Variants in MANEA observed in about 807,000 individuals in gnomAD.
MANEA encodes mannosidase endo-alpha.
In MANEA, 25 loss-of-function variants were observed where a neutral mutation model predicts 36.8. The ratio of observed to expected loss-of-function variants is 0.68; its 90% CI spans 0.50 to 0.95. The LOEUF is 0.95. Ranked by LOEUF, MANEA falls within the 40% of genes least tolerant of loss-of-function variation. MANEA has a pLI of 0.00. For missense variants in MANEA, 565 were observed against 558.8 expected, an observed-to-expected ratio of 1.01 and a Z score of -0.11; for synonymous variants, 198 against 188.5, an observed-to-expected ratio of 1.05 and a Z score of -0.41.
At chr6:95,578,084 C>A (rs547523098) in intron 1 of MANEA, among the ~76,000 whole-genome samples, 17 of 152,200 alleles carry the variant, frequency 1.1e-4, no homozygotes, top group Admixed American at 3.3e-4. Flanking sequence ...GTAGAAGGAT[C>A]GAGGCCTGCT....
At chr6:95,591,261 G>T (rs1769380658) in intron 2 of MANEA, among the ~76,000 whole-genome samples, 1 of 151,764 alleles carries the variant, frequency 6.6e-6, no homozygotes, top group Non-Finnish European at 1.5e-5. Context: ...TGTTTTACTG[G>T]TCTCCTTGCA....
Position 95,609,125 on chromosome 6 carries a change from A to G in MANEA, c.*2720A>G, listed in dbSNP as rs1188462024. 6.6e-6 allele frequency: 1 copy of G among 151,826 alleles called. No homozygotes were observed. The allele number at this position is 151,826 out of a possible 1,614,324, so 9.4% of individuals were successfully genotyped here. ...TATGATAACAAGTAAATAAGAGCAA[A>G]GAATGTATTTCTTAATTCAAAACTA... On this transcript the variant is annotated 3_prime_UTR_variant, in exon 5 of 5. Transcript: ENST00000358812.
intron 3 of MANEA, among the ~76,000 whole-genome samples, chr6:95,603,746 A>G (rs1009853822): frequency 6.6e-6 from 1 of 152,072 alleles, no homozygotes; most frequent in Non-Finnish European, 1.5e-5. Context: ...TTAGACTGCC[A>G]TAAAGATTTT....
chr6:95,601,923 A>G (rs930520562), intron 3 of MANEA, among the ~76,000 whole-genome samples: 6 of 152,008 alleles, frequency 3.9e-5, no homozygotes, highest in African/African-American at 1.4e-4. Flanking sequence ...GAGTCATTTT[A>G]TCTGCTTTTC....
In MANEA at chr6:95,577,562, C is replaced by G. The variant is rs888581399; in HGVS notation, c.-115C>G. The G allele has an allele frequency of 6.6e-6, 1 of 152,494 alleles. No homozygotes were observed. Among genetic ancestry groups the G allele is most frequent in the African/African-American group, 2.4e-5 (1 of 41,576 alleles). The allele number at this position is 152,494 out of a possible 1,614,324, so 9.4% of individuals were successfully genotyped here. A position where few individuals can be genotyped will look rare whatever the true frequency, so the allele number is the denominator to read the frequency against. ...GGGGCTGTCTGGGCTCGGGGCGCGG[C>G]GGCAGTCAGCTCTATGTTCGCGGTC... On this transcript the variant is annotated 5_prime_UTR_variant, in exon 1 of 5. Transcript: ENST00000358812.
Position 95,579,280 on chromosome 6 carries a change from G to A in MANEA, c.-39+1642G>A, listed in dbSNP as rs1002223158. On this transcript the variant is annotated intron_variant, in intron 1 of 4. Coordinates refer to ENST00000358812, the MANE Select transcript of MANEA (RefSeq NM_024641.4). ...CCCAGCTACTCTGGAGGCTGAGGCAGGAGAATCGCTTGAACCCGGGAGGTG... is the reference window on the plus strand; with the variant it reads ...CCCAGCTACTCTGGAGGCTGAGGCAAGAGAATCGCTTGAACCCGGGAGGTG... Among the ~76,000 whole-genome samples, 8 of 152,306 alleles carry A rather than the reference G, an allele frequency of 5.3e-5. No homozygotes were observed. In the East Asian group the frequency reaches 1.5e-3, roughly 29 times the overall value.
chr6:95,589,648 G>A (rs1384541189), intron 2 of MANEA, among the ~76,000 whole-genome samples: 2 of 152,042 alleles, frequency 1.3e-5, no homozygotes, highest in Non-Finnish European at 2.9e-5. Context: ...TACGTATCAT[G>A]TATTCTATCC....
intron 1 of MANEA, among the ~76,000 whole-genome samples, chr6:95,583,650 AC>A (rs1383576606): frequency 6.6e-6 from 1 of 152,172 alleles, no homozygotes; most frequent in African/African-American, 2.4e-5. Flanking sequence ...AATGGTAAAC[AC>A]AAAATTCAAG....
intron 2 of MANEA, among the ~76,000 whole-genome samples, chr6:95,592,775 A>G (rs1372264347): frequency 6.6e-6 from 1 of 152,186 alleles, no homozygotes; most frequent in East Asian, 1.9e-4. Flanking sequence ...CTTATCCTAC[A>G]TTTTACAGAT....
intron 3 of MANEA, among the ~76,000 whole-genome samples, chr6:95,600,436 A>G (rs140456085): frequency 1.3e-5 from 2 of 152,298 alleles, no homozygotes; most frequent in African/African-American, 2.4e-5. Flanking sequence ...TACAATGACA[A>G]TGAAACCATA....
At chr6:95,592,519 A>G (rs760154139) in intron 2 of MANEA, among the ~76,000 whole-genome samples, 11 of 152,144 alleles carry the variant, frequency 7.2e-5, no homozygotes, top group Non-Finnish European at 1.6e-4. Context: ...GATAGTGAAA[A>G]TTGTGTTACG....
rs369955997 is a variant in MANEA at position 95,577,599 on chromosome 6, T to A, written c.-78T>A. 2.6e-5 allele frequency: 4 copies of A among 152,394 alleles called. No homozygotes were observed. The East Asian group carries it at 7.7e-4, about 29-fold the overall frequency. 9.4% of individuals were successfully genotyped at this position (152,394 alleles called of 1,614,324 possible). A position where few individuals can be genotyped will look rare whatever the true frequency, so the allele number is the denominator to read the frequency against. On this transcript the variant is annotated 5_prime_UTR_variant, in exon 1 of 5. Coordinates refer to ENST00000358812, the MANE Select transcript of MANEA (RefSeq NM_024641.4). ...CTATGTTCGCGGTCTTAACCTCTCC[T>A]CTGGCCGAGTCCTTGCAAGAAGTGA...
intron 1 of MANEA, among the ~76,000 whole-genome samples, chr6:95,578,964 C>T (rs1302872046): frequency 6.6e-6 from 1 of 152,210 alleles, no homozygotes; most frequent in Admixed American, 6.5e-5. Flanking sequence ...CAGACTCGAT[C>T]TGCTCCTTGC....
At chr6:95,578,132 G>A (rs536039141) in intron 1 of MANEA, among the ~76,000 whole-genome samples, 2 of 152,294 alleles carry the variant, frequency 1.3e-5, no homozygotes, top group African/African-American at 4.8e-5. Flanking sequence ...TGTCGCCTCT[G>A]GGCATCGGGA....
rs145056717 is a variant in MANEA at position 95,587,979 on chromosome 6, C to T, written c.544+996C>T. On this transcript the variant is annotated intron_variant, in intron 2 of 4. Coordinates refer to ENST00000358812, the MANE Select transcript of MANEA (RefSeq NM_024641.4). ...TTTATAACTGTACCTTTTTACAATA[C>T]GCCCCTTTAACTTAACTGATTCTTA... 1.5e-3 allele frequency among the ~76,000 whole-genome samples: 234 copies of T among 151,860 alleles called. 1 individual carries two copies. The highest frequency in any genetic ancestry group is 2.4e-3 in the Non-Finnish European group (165 of 67,882).
At chr6:95,593,799 G>A (rs1769433022) in intron 2 of MANEA, among the ~76,000 whole-genome samples, 1 of 152,160 alleles carries the variant, frequency 6.6e-6, no homozygotes, top group Non-Finnish European at 1.5e-5. Flanking sequence ...TGTAATCCCA[G>A]CACTTTGGGA....
intron 1 of MANEA, 84 bp from the exon 2 acceptor site, chr6:95,586,318 T>A: frequency 1.3e-6 from 1 of 746,106 alleles, no homozygotes; most frequent in Non-Finnish European, 2.2e-6. Flanking sequence ...GTAATGAAAT[T>A]TATGGATTTT....
intron 2 of MANEA, among the ~76,000 whole-genome samples, chr6:95,596,357 A>G (rs531229162): frequency 6.6e-6 from 1 of 152,296 alleles, no homozygotes; most frequent in African/African-American, 2.4e-5. Context: ...TAGTGAATAA[A>G]AATCTTTCAA....
intron 1 of MANEA, among the ~76,000 whole-genome samples, chr6:95,582,941 T>C (rs989734202): frequency 2.0e-5 from 3 of 152,204 alleles, no homozygotes; most frequent in African/African-American, 7.2e-5. Context: ...GATTCTGTGT[T>C]TTTCTCAGTA....
Sources: allele counts gnomAD v4.1 joint callset (sites outside exome capture counted in the v4.1 genomes callset), GRCh38; gene constraint gnomAD v4.1.1; transcripts MANE v1.5; gene names NCBI Gene and HGNC (gene_info 2026-07-23, HGNC 2026-07-21).